The following OSBP2 variants were observed in gnomAD, a reference collection of about 807,000 sequenced individuals.
The protein encoded by OSBP2 is oxysterol binding protein 2.
OSBP2 carries 66 observed loss-of-function variants against 96.0 expected under a neutral mutation model. That is an observed-to-expected ratio of 0.69 (90% CI 0.56 to 0.84). The LOEUF is 0.84. OSBP2 is among the 40% of genes least tolerant of loss of function. OSBP2 has a pLI of 0.00. For synonymous variants in OSBP2, 525 were observed against 520.9 expected, an observed-to-expected ratio of 1.01 and a Z score of -0.11; for missense variants, 1,038 against 1,222.7, an observed-to-expected ratio of 0.85 and a Z score of 2.25.
chr22:30,701,318 CT>C (rs1465866204), intron 1 of OSBP2, among the ~76,000 whole-genome samples: 3 of 146,944 alleles, frequency 2.0e-5, no homozygotes, highest in South Asian at 2.2e-4. Flanking sequence ...ATGTCAATTT[CT>C]TTTTTTCTTT....
At chr22:30,869,544 T>C (rs1176070415) in intron 2 of OSBP2, among the ~76,000 whole-genome samples, 4 of 152,222 alleles carry the variant, frequency 2.6e-5, no homozygotes, top group Non-Finnish European at 5.9e-5. Flanking sequence ...TTGTTTTGTT[T>C]TGTTTTTTGA....
At chr22:30,849,465 C>T (rs947773505) in intron 2 of OSBP2, among the ~76,000 whole-genome samples, 2 of 152,044 alleles carry the variant, frequency 1.3e-5, no homozygotes, top group East Asian at 1.9e-4. Context: ...TATCTCATTA[C>T]GGTTTTAATT....
intron 2 of OSBP2, among the ~76,000 whole-genome samples, chr22:30,825,424 T>C (rs1260556159): frequency 1.3e-5 from 2 of 152,166 alleles, no homozygotes; most frequent in East Asian, 3.9e-4. Context: ...CTGGCAAGGT[T>C]GCTGGGAGGT....
At chr22:30,798,122 G>A (rs770667554) in intron 2 of OSBP2, among the ~76,000 whole-genome samples, 1 of 152,096 alleles carries the variant, frequency 6.6e-6, no homozygotes, top group Non-Finnish European at 1.5e-5. Flanking sequence ...GATGGTAGCC[G>A]TCCTAGTGGG....
At chr22:30,823,987 G>GT (rs1051513145) in intron 2 of OSBP2, among the ~76,000 whole-genome samples, 2 of 152,008 alleles carry the variant, frequency 1.3e-5, no homozygotes, top group Non-Finnish European at 2.9e-5. Flanking sequence ...AAAAGACATT[G>GT]TTTTTTTTCT....
At chr22:30,725,120 G>A (rs1381845077) in intron 1 of OSBP2, among the ~76,000 whole-genome samples, 4 of 148,458 alleles carry the variant, frequency 2.7e-5, no homozygotes, top group Non-Finnish European at 5.9e-5. Flanking sequence ...ATCTTGCAGT[G>A]AGCTGAGATC....
chr22:30,710,143 C>T (rs2089324357), intron 1 of OSBP2, among the ~76,000 whole-genome samples: 3 of 150,432 alleles, frequency 2.0e-5, no homozygotes, highest in Admixed American at 1.3e-4. Context: ...ACTCAGCCTC[C>T]CAAAGTGCTG....
At chr22:30,807,498 T>C (rs2090944991) in intron 2 of OSBP2, among the ~76,000 whole-genome samples, 1 of 152,176 alleles carries the variant, frequency 6.6e-6, no homozygotes, top group Non-Finnish European at 1.5e-5. Flanking sequence ...CTGCTGACCC[T>C]TCCCTGGCCC....
At chr22:30,724,029 C>G (rs1287922789) in intron 1 of OSBP2, among the ~76,000 whole-genome samples, 1 of 152,166 alleles carries the variant, frequency 6.6e-6, no homozygotes. Context: ...TCAGTCTGTG[C>G]TCTGCCTATT....
intron 2 of OSBP2, among the ~76,000 whole-genome samples, chr22:30,815,992 C>T (rs1458550547): frequency 1.3e-5 from 2 of 152,196 alleles, no homozygotes; most frequent in Admixed American, 1.3e-4. Flanking sequence ...TTAAGGGCTG[C>T]AGCAGCATCA....
intron 2 of OSBP2, among the ~76,000 whole-genome samples, chr22:30,770,867 T>A (rs1332237496): frequency 6.6e-6 from 1 of 152,224 alleles, no homozygotes. Context: ...CTTCAAATTC[T>A]TAGGTAAGAG....
At chr22:30,826,763 G>A (rs1209062986) in intron 2 of OSBP2, among the ~76,000 whole-genome samples, 1 of 152,222 alleles carries the variant, frequency 6.6e-6, no homozygotes, top group Non-Finnish European at 1.5e-5. Context: ...GAGGGGCAAG[G>A]AGCATCCTTG....
intron 2 of OSBP2, among the ~76,000 whole-genome samples, chr22:30,757,230 A>C (rs2090152598): frequency 6.6e-6 from 1 of 152,050 alleles, no homozygotes; most frequent in African/African-American, 2.4e-5. Flanking sequence ...CCTCATGCAT[A>C]GAACAAAACC....
chr22:30,829,352 G>A (rs2038473394), intron 2 of OSBP2, among the ~76,000 whole-genome samples: 1 of 152,188 alleles, frequency 6.6e-6, no homozygotes, highest in Non-Finnish European at 1.5e-5. Context: ...CAGTGCCGTG[G>A]TGCAATCTCG....
chr22:30,905,429 A>G (rs2040309705), intron 12 of OSBP2, among the ~76,000 whole-genome samples: 1 of 151,720 alleles, frequency 6.6e-6, no homozygotes, highest in Non-Finnish European at 1.5e-5. Flanking sequence ...GGCGTGAGCC[A>G]CCGTGCCCAG....
intron 2 of OSBP2, among the ~76,000 whole-genome samples, chr22:30,852,924 GT>G (rs1306204581): frequency 3.3e-5 from 5 of 152,030 alleles, no homozygotes; most frequent in Admixed American, 6.5e-5. Context: ...TATATTCGGG[GT>G]TTTTTTCCAG....
chr22:30,881,726 C>G lies in OSBP2; in HGVS notation c.1108-5700C>G, dbSNP rs1379931867. On this transcript the variant is annotated intron_variant, in intron 3 of 13. Transcript: ENST00000332585. The surrounding 1 kb of genome is among the most constrained non-coding windows in gnomAD (Gnocchi z 4.5). ...GCCACGCCAGGCGCCTGCCTCTCCC[C>G]ACAGCACAGCCAGGATGGGGCCTGG... 2 of 1,304,140 alleles carry G rather than the reference C, an allele frequency of 1.5e-6. No homozygotes were observed. Among genetic ancestry groups the G allele is most frequent in the Non-Finnish European group, 2.0e-6 (2 of 988,902 alleles). The allele number at this position is 1,304,140 out of a possible 1,614,324, so 80.8% of individuals were successfully genotyped here. A position where few individuals can be genotyped will look rare whatever the true frequency, so the allele number is the denominator to read the frequency against.
upstream of OSBP2, chr22:30,694,483 C>G: frequency 3.5e-6 from 4 of 1,146,050 alleles, no homozygotes; most frequent in Non-Finnish European, 4.8e-6. Context: ...CCCACCCCAG[C>G]CTGGGTTGGG....
intron 2 of OSBP2, among the ~76,000 whole-genome samples, chr22:30,819,073 G>A (rs1011518775): frequency 2.6e-5 from 4 of 152,186 alleles, no homozygotes; most frequent in Non-Finnish European, 5.9e-5. Flanking sequence ...TGTGGCTCAC[G>A]CCTGTAATCC....
Sources: allele counts gnomAD v4.1 joint callset (sites outside exome capture counted in the v4.1 genomes callset), GRCh38; gene constraint gnomAD v4.1.1; non-coding constraint Gnocchi (gnomAD v3.1); transcripts MANE v1.5; gene names NCBI Gene and HGNC (gene_info 2026-07-23, HGNC 2026-07-21).